Variants in NELL1 observed in about 807,000 individuals in gnomAD.
NELL1 encodes neural EGFL like 1, also known as protein kinase C-binding protein NELL1.
A neutral mutation model predicts 107.4 loss-of-function variants in NELL1; 76 were observed. That is an observed-to-expected ratio of 0.71 (90% CI 0.59 to 0.86). The LOEUF is 0.86. Among genes scored for constraint, NELL1 ranks in the 40% least tolerant of loss-of-function variants. The pLI is 0.00. For missense variants in NELL1, 1,024 were observed against 1,005.5 expected (o/e 1.02, Z -0.25); for synonymous variants, 353 against 341.2 (o/e 1.03, Z -0.38).
Position 21,471,597 on chromosome 11 carries a change from T to G in NELL1, c.1646-62777T>G, listed in dbSNP as rs184452521. On this transcript the variant is annotated intron_variant, in intron 15 of 19. Coordinates refer to ENST00000357134, the MANE Select transcript of NELL1 (RefSeq NM_006157.5). ...TTGTTTGTTTACTGTGATAAGCACT[T>G]TAAATTTCTTACCCCATTTAGTAAT... Among the ~76,000 whole-genome samples, 2,838 of 152,130 alleles carry G rather than the reference T, an allele frequency of 0.019. 250 individuals carry two copies. The East Asian group carries it at 0.27, about 15-fold the overall frequency.
At chr11:21,556,904 G>A (rs966809669) in intron 16 of NELL1, among the ~76,000 whole-genome samples, 2 of 151,862 alleles carry the variant, frequency 1.3e-5, no homozygotes, top group Non-Finnish European at 2.9e-5. Flanking sequence ...CAAATACTTC[G>A]TGTAATTTTT....
At chr11:20,793,820 A>G (rs1857119893) in intron 3 of NELL1, among the ~76,000 whole-genome samples, 2 of 147,650 alleles carry the variant, frequency 1.4e-5, no homozygotes, top group African/African-American at 4.9e-5. Context: ...AGGGCATAAA[A>G]TATGTGCGTC....
At chr11:20,872,363 T>C (rs1849218295) in intron 4 of NELL1, among the ~76,000 whole-genome samples, 1 of 151,852 alleles carries the variant, frequency 6.6e-6, no homozygotes, top group Non-Finnish European at 1.5e-5. Context: ...ATATTTCTTG[T>C]AGAGATGATG....
intron 14 of NELL1, among the ~76,000 whole-genome samples, chr11:21,296,686 G>A (rs1023885149): frequency 2.0e-5 from 3 of 151,894 alleles, no homozygotes; most frequent in Non-Finnish European, 4.4e-5. Context: ...ATCAAATACA[G>A]ATTCAAAAAG....
chr11:20,982,844 CGTAGAGCTTACTACTTGAATGAT>C (rs1851775856), intron 12 of NELL1, among the ~76,000 whole-genome samples: 1 of 152,126 alleles, frequency 6.6e-6, no homozygotes, highest in Non-Finnish European at 1.5e-5. Context: ...ATCTTAAAAG[CGTAGAGCTTACTACTTGAATGAT>C]TTCTATGGTT....
chr11:21,196,486 G>A (rs1322301312), intron 13 of NELL1, among the ~76,000 whole-genome samples: 2 of 152,042 alleles, frequency 1.3e-5, no homozygotes, highest in Non-Finnish European at 2.9e-5. Flanking sequence ...ATGCTAGAGG[G>A]TTGCTAGAAT....
intron 13 of NELL1, among the ~76,000 whole-genome samples, chr11:21,140,231 G>T (rs985644690): frequency 3.3e-5 from 5 of 152,068 alleles, no homozygotes; most frequent in African/African-American, 9.7e-5. Context: ...TGAAAATCAG[G>T]ATATTTATAA....
At chr11:21,542,560 C>T (rs1172785653) in intron 16 of NELL1, among the ~76,000 whole-genome samples, 2 of 151,968 alleles carry the variant, frequency 1.3e-5, no homozygotes, top group African/African-American at 4.8e-5. Context: ...AGGATAACTA[C>T]GCGACATGTT....
intron 12 of NELL1, among the ~76,000 whole-genome samples, chr11:20,998,173 A>G (rs1451926968): frequency 1.3e-5 from 2 of 152,066 alleles, no homozygotes; most frequent in Admixed American, 1.3e-4. Flanking sequence ...AAAAACTCTC[A>G]TATTTCTTTG....
intron 5 of NELL1, among the ~76,000 whole-genome samples, chr11:20,910,151 T>C (rs913371973): frequency 6.6e-6 from 1 of 152,146 alleles, no homozygotes; most frequent in African/African-American, 2.4e-5. Flanking sequence ...GCTGGGGCAA[T>C]GTTGACGACT....
At chr11:21,340,866 A>G (rs1850548123) in intron 14 of NELL1, among the ~76,000 whole-genome samples, 1 of 152,192 alleles carries the variant, frequency 6.6e-6, no homozygotes. Context: ...ACTGTGAGAC[A>G]GTAAATTTAT....
chr11:21,115,179 GTTATC>G (rs2133731857), intron 13 of NELL1, among the ~76,000 whole-genome samples: 1 of 152,094 alleles, frequency 6.6e-6, no homozygotes, highest in African/African-American at 2.4e-5. Flanking sequence ...TGGAAAATGT[GTTATC>G]TTAAGAACTG....
intron 14 of NELL1, among the ~76,000 whole-genome samples, chr11:21,317,984 T>G (rs566872585): frequency 1.3e-5 from 2 of 152,294 alleles, no homozygotes; most frequent in East Asian, 3.9e-4. Flanking sequence ...GTATTTCTTA[T>G]GGGGTAAGAC....
intron 2 of NELL1, among the ~76,000 whole-genome samples, chr11:20,745,725 C>T (rs1855988032): frequency 6.6e-6 from 1 of 152,108 alleles, no homozygotes; most frequent in Non-Finnish European, 1.5e-5. Flanking sequence ...TCAAGACAAC[C>T]CTTATGGTCT....
chr11:21,210,669 G>A (rs151151404), intron 13 of NELL1, among the ~76,000 whole-genome samples: 363 of 152,204 alleles, frequency 2.4e-3, no homozygotes, highest in African/African-American at 8.4e-3. Flanking sequence ...TTCTCTTACT[G>A]TGTGTCTTCA....
intron 13 of NELL1, among the ~76,000 whole-genome samples, chr11:21,130,923 A>AGT (rs1565075227): frequency 6.6e-6 from 1 of 151,418 alleles, no homozygotes; most frequent in African/African-American, 2.4e-5. Flanking sequence ...GCAACAGGTA[A>AGT]TAGACTGGTG....
intron 2 of NELL1, among the ~76,000 whole-genome samples, chr11:20,710,678 G>A (rs1174413644): frequency 6.6e-6 from 1 of 151,682 alleles, no homozygotes; most frequent in African/African-American, 2.4e-5. Flanking sequence ...AGTGTTTTTT[G>A]TTGGCAGTTT....
chr11:20,710,649 T>C (rs1200590062), intron 2 of NELL1, among the ~76,000 whole-genome samples: 1 of 152,188 alleles, frequency 6.6e-6, no homozygotes, highest in Admixed American at 6.5e-5. Flanking sequence ...AGTTTAGCTG[T>C]GAATGCGTCT....
intron 13 of NELL1, among the ~76,000 whole-genome samples, chr11:21,142,846 C>T (rs997334862): frequency 6.6e-6 from 1 of 152,158 alleles, no homozygotes; most frequent in African/African-American, 2.4e-5. Context: ...AAAAGGATCA[C>T]TATTTTGTGT....
Sources: gnomAD v4.1 joint callset for allele counts (sites outside exome capture counted in the v4.1 genomes callset) on GRCh38, gnomAD v4.1.1 for gene constraint, MANE v1.5 for transcripts, NCBI Gene and HGNC (gene_info 2026-07-23, HGNC 2026-07-21) for gene names.